The following OXR1 variants were observed in gnomAD, a reference collection of about 807,000 sequenced individuals.
The protein encoded by OXR1 is oxidation resistance 1, also known as oxidation resistance protein 1.
Under a neutral mutation model 104.6 loss-of-function variants are expected in OXR1, and 41 were observed. The ratio of observed to expected loss-of-function variants is 0.39; its 90% confidence interval spans 0.31 to 0.51. The LOEUF is 0.51. Among genes scored for constraint, OXR1 ranks in the 20% least tolerant of loss-of-function variants. The pLI, the probability that OXR1 is intolerant of heterozygous loss-of-function variation, is 0.77. For synonymous variants in OXR1, 348 were observed against 348.4 expected (o/e 1.00, Z 0.01); for missense variants, 955 against 1,031.9 (o/e 0.93, Z 1.02).
chr8:106,349,860 C>T (rs1460540308), intron 1 of OXR1, among the ~76,000 whole-genome samples: 13 of 152,128 alleles, frequency 8.5e-5, no homozygotes, highest in Non-Finnish European at 1.8e-4. Context: ...AAGGAGAAAT[C>T]AGGAACAAGT....
chr8:106,369,273 G>A (rs1333021587), intron 2 of OXR1, among the ~76,000 whole-genome samples: 1 of 152,100 alleles, frequency 6.6e-6, no homozygotes, highest in Non-Finnish European at 1.5e-5. Flanking sequence ...ATATGTTTAA[G>A]TTCCTTGTAA....
chr8:106,619,249 A>G (rs960196121), intron 3 of OXR1, among the ~76,000 whole-genome samples: 4 of 152,218 alleles, frequency 2.6e-5, no homozygotes, highest in African/African-American at 9.6e-5. Context: ...TAAGTTAGTA[A>G]TAAATTTATG....
intron 3 of OXR1, among the ~76,000 whole-genome samples, chr8:106,569,695 CATT>C (rs750981441): frequency 2.6e-5 from 4 of 152,222 alleles, no homozygotes; most frequent in Non-Finnish European, 5.9e-5. Flanking sequence ...TGTCCATTGA[CATT>C]CACATGAATT....
intron 2 of OXR1, among the ~76,000 whole-genome samples, chr8:106,471,067 A>T (rs1821464978): frequency 2.0e-5 from 3 of 151,700 alleles, no homozygotes; most frequent in Non-Finnish European, 2.9e-5. Context: ...GTTTTTTGGC[A>T]AAGGAGGCAC....
chr8:106,654,840 CA>C (rs921187700), intron 3 of OXR1, among the ~76,000 whole-genome samples: 2 of 152,020 alleles, frequency 1.3e-5, no homozygotes, highest in African/African-American at 4.8e-5. Flanking sequence ...AACAGGTCAA[CA>C]AAAAAACTTA....
chr8:106,354,072 T>TTTTGAGAAATGTCCATTCAGGCCC (rs1263037111), intron 1 of OXR1, among the ~76,000 whole-genome samples: 1 of 151,930 alleles, frequency 6.6e-6, no homozygotes, highest in East Asian at 1.9e-4. Context: ...AATTTCTTTC[T>TTTTGAGAAATGTCCATTCAGGCCC]TTTGAGAAAT....
intron 3 of OXR1, among the ~76,000 whole-genome samples, chr8:106,620,029 A>G (rs1821567452): frequency 6.6e-6 from 1 of 152,072 alleles, no homozygotes; most frequent in Non-Finnish European, 1.5e-5. Flanking sequence ...AGCAGTGGTC[A>G]TTGTTGTGAA....
chr8:106,333,597 A>G (rs576068317), intron 1 of OXR1, among the ~76,000 whole-genome samples: 9 of 152,020 alleles, frequency 5.9e-5, no homozygotes, highest in Non-Finnish European at 1.2e-4. Context: ...TTCTTCTAAG[A>G]TTGTCGTAGT....
intron 3 of OXR1, among the ~76,000 whole-genome samples, chr8:106,533,728 T>C (rs1001864272): frequency 2.0e-4 from 31 of 151,482 alleles, no homozygotes; most frequent in African/African-American, 7.3e-4. Flanking sequence ...TTTTTTTTTT[T>C]TTGGAGATGG....
At position 106,658,071 on chromosome 8, in the gene OXR1, G is replaced by A; in HGVS notation, c.221-21139G>A. The A allele has an allele frequency of 5.6e-6, 7 of 1,248,452 alleles. No individual in the cohort carries two copies. In the South Asian group the frequency reaches 1.2e-4, roughly 22 times the overall value. The allele number at this position is 1,248,452 out of a possible 1,614,324, so 77.3% of individuals were successfully genotyped here. A position where few individuals can be genotyped will look rare whatever the true frequency, so the allele number is the denominator to read the frequency against. On this transcript the variant is annotated intron_variant, in intron 3 of 16. Transcript: ENST00000517566. Reference sequence around the variant, plus strand: ...CCGCCTGTTGGGGTTCGGGGGCGGCGGCGAAGCCCGGCAGGTGCGCTTCGA... The same window carrying A: ...CCGCCTGTTGGGGTTCGGGGGCGGCAGCGAAGCCCGGCAGGTGCGCTTCGA...
intron 2 of OXR1, among the ~76,000 whole-genome samples, chr8:106,476,631 A>T (rs1412227304): frequency 2.6e-5 from 4 of 151,876 alleles, no homozygotes; most frequent in Admixed American, 1.3e-4. Flanking sequence ...CACTAAAAAA[A>T]CTGTTCAGGC....
chr8:106,558,151 G>A (rs1816420013), intron 3 of OXR1, among the ~76,000 whole-genome samples: 1 of 152,150 alleles, frequency 6.6e-6, no homozygotes, highest in African/African-American at 2.4e-5. Context: ...GTTACTGTGA[G>A]AATCACATGA....
intron 1 of OXR1, among the ~76,000 whole-genome samples, chr8:106,296,507 C>T (rs187149569): frequency 6.6e-6 from 1 of 152,130 alleles, no homozygotes; most frequent in Admixed American, 6.6e-5. Flanking sequence ...GATAAGTAAC[C>T]TAGTCAAAGA....
At chr8:106,541,662 G>A (rs1339904163) in intron 3 of OXR1, among the ~76,000 whole-genome samples, 1 of 152,118 alleles carries the variant, frequency 6.6e-6, no homozygotes, top group Non-Finnish European at 1.5e-5. Context: ...GTAAATTGGT[G>A]GCTGATACCT....
intron 1 of OXR1, among the ~76,000 whole-genome samples, chr8:106,294,395 C>CAAAAAAAAAA (rs1200997871): frequency 8.5e-5 from 6 of 70,352 alleles, no homozygotes; most frequent in African/African-American, 3.2e-4. Context: ...GACTCTGTCT[C>CAAAAAAAAAA]AAAAAAAAAA....
intron 2 of OXR1, among the ~76,000 whole-genome samples, chr8:106,441,183 A>C (rs188371533): frequency 6.6e-6 from 1 of 152,052 alleles, no homozygotes; most frequent in Non-Finnish European, 1.5e-5. Context: ...TCCTTTCCCC[A>C]TTGCTTGTTT....
chr8:106,615,015 T>G (rs754493333), intron 3 of OXR1, among the ~76,000 whole-genome samples: 1 of 152,202 alleles, frequency 6.6e-6, no homozygotes, highest in Admixed American at 6.5e-5. Context: ...TATTGTTACA[T>G]GAAGTCTTGC....
chr8:106,404,013 A>G (rs1283898892), intron 2 of OXR1, among the ~76,000 whole-genome samples: 1 of 152,188 alleles, frequency 6.6e-6, no homozygotes, highest in African/African-American at 2.4e-5. Context: ...GTGAGGCCTC[A>G]GAGGATACCA....
chr8:106,535,196 C>G (rs1814404495), intron 3 of OXR1, among the ~76,000 whole-genome samples: 1 of 152,138 alleles, frequency 6.6e-6, no homozygotes, highest in Admixed American at 6.5e-5. Flanking sequence ...ATCTCCTGAC[C>G]TCGTAGCACG....
Sources: allele counts gnomAD v4.1 joint callset (sites outside exome capture counted in the v4.1 genomes callset), GRCh38; gene constraint gnomAD v4.1.1; transcripts MANE v1.5; gene names NCBI Gene and HGNC (gene_info 2026-07-23, HGNC 2026-07-21).